ASH1L: variants seen among roughly 807,000 people sequenced by gnomAD.
ASH1L encodes the protein histone-lysine N-methyltransferase ASH1L.
ASH1L carries 23 observed loss-of-function variants against 269.0 expected under a neutral mutation model. That is an observed-to-expected ratio of 0.09 (90% CI 0.06 to 0.12). The LOEUF is 0.12. Ranked by LOEUF, ASH1L falls within the 10% of genes least tolerant of loss-of-function variation. The pLI, the probability that ASH1L is intolerant of heterozygous loss-of-function variation, is 1.00. For synonymous variants in ASH1L, 1,187 were observed against 1,253.5 expected, an observed-to-expected ratio of 0.95 and a Z score of 1.12; for missense variants, 2,912 against 3,567.8, an observed-to-expected ratio of 0.82 and a Z score of 4.68.
In ASH1L at chr1:155,514,933, AAAAAGTGG is replaced by A. The variant is rs1460775611; in HGVS notation, c.420+6159_420+6166del. 3.9e-5 allele frequency among the ~76,000 whole-genome samples: 6 copies of A among 152,298 alleles called. No homozygotes were observed. The East Asian group carries it at 1.2e-3, about 29-fold the overall frequency. On this transcript the variant is annotated intron_variant, in intron 2 of 27. Transcript: ENST00000392403. Reference sequence around the variant, plus strand: ...AATTTCTCAGACTGTGATGTGTGACAAAAAGTGGATTTTATATCACAACCGGCAACAAC... The same window carrying A: ...AATTTCTCAGACTGTGATGTGTGACAATTTTATATCACAACCGGCAACAAC...
At chr1:155,383,094 A>G (rs1287212248) in intron 7 of ASH1L, among the ~76,000 whole-genome samples, 1 of 152,244 alleles carries the variant, frequency 6.6e-6, no homozygotes, top group Admixed American at 6.5e-5. Flanking sequence ...TAAAATAAGG[A>G]CATAAAGAAA....
At chr1:155,523,918 A>T (rs371557060) in intron 1 of ASH1L, among the ~76,000 whole-genome samples, 74 of 152,260 alleles carry the variant, frequency 4.9e-4, no homozygotes, top group African/African-American at 1.8e-3. Flanking sequence ...GTTTATAAGT[A>T]CTCAACAAAT....
Position 155,338,369 on chromosome 1 carries a change from G to C in ASH1L, c.8523C>G (p.Arg2841=). ...NGGRSSWKSE[R]SKPPLKDLGQ... ...CCAAGTCTTTTAGGGGTGGCTTTGA[G>C]CGCTCAGACTTCCAGGATGATCTGC... is the stretch of plus-strand genomic sequence containing the variant. Residue 2841 remains arginine, a synonymous_variant, in exon 27 of 28, where the codon CGC becomes CGG. Transcript: ENST00000392403. 6.2e-7 allele frequency: 1 copy of C among 1,613,362 alleles called. No homozygotes were observed. The highest frequency in any genetic ancestry group is 8.5e-7 in the Non-Finnish European group (1 of 1,179,538).
chr1:155,527,962 T>G (rs529168381), intron 1 of ASH1L, among the ~76,000 whole-genome samples: 36 of 152,072 alleles, frequency 2.4e-4, no homozygotes, highest in Non-Finnish European at 3.8e-4. Flanking sequence ...TACCCGGACC[T>G]CTTCCTTTTT....
At chr1:155,432,224 G>C (rs771778773) in intron 5 of ASH1L, among the ~76,000 whole-genome samples, 12 of 152,038 alleles carry the variant, frequency 7.9e-5, no homozygotes, top group Non-Finnish European at 1.6e-4. Context: ...TCAGACTTTT[G>C]TGTATGCTCT....
At chr1:155,347,357 A>C (rs1653445686) in intron 20 of ASH1L, among the ~76,000 whole-genome samples, 1 of 152,190 alleles carries the variant, frequency 6.6e-6, no homozygotes, top group African/African-American at 2.4e-5. Context: ...CAGAGAGCTG[A>C]GATCGTGCCA....
rs1405347094 is a variant in ASH1L, at chr1:155,360,320, G to C, written c.6776C>G (p.Ser2259Cys). 2 of 1,611,408 alleles carry C rather than the reference G, an allele frequency of 1.2e-6. No individual in the cohort carries two copies. The highest frequency in any genetic ancestry group is 1.7e-6 in the Non-Finnish European group (2 of 1,177,702). ...TELTYDYNFH[S>C]FNVEKQQLCK... is the part of the protein sequence containing the mutation. ...TCTTACCTGTTTTTCCACATTGAAG[G>C]AATGAAAGTTATAATCATAAGTGAG... The change falls in exon 13 of 28, where the codon TCC becomes TGC. Residue 2259 changes from serine (S) to cysteine (C), a missense_variant. Physicochemically the swap from Ser to Cys is moderately radical, Grantham distance 112. Around this residue, in one of 13 missense-constraint regions of ASH1L, gnomAD observed 309 missense variants for 435.1 expected, o/e 0.71. Transcript: ENST00000392403.
At position 155,463,841 on chromosome 1, in the gene ASH1L, A is replaced by G. The variant is rs188099067; in HGVS notation, c.4985-3943T>C. Among the ~76,000 whole-genome samples the G allele has an allele frequency of 1.7e-4, 26 of 152,268 alleles. 1 individual carries two copies. Among genetic ancestry groups the G allele is most frequent in the African/African-American group, 5.8e-4 (24 of 41,554 alleles). On this transcript the variant is annotated intron_variant, in intron 3 of 27. Coordinates refer to ENST00000392403, the MANE Select transcript of ASH1L (RefSeq NM_018489.3). Reference sequence around the variant, plus strand: ...GAAAGAAGAGCAGTGAGTTATACCCAGTAGGGAGCTAGAACTAACCTATTA... The same window carrying G: ...GAAAGAAGAGCAGTGAGTTATACCCGGTAGGGAGCTAGAACTAACCTATTA...
chr1:155,560,131 G>C (rs775429220), intron 1 of ASH1L, among the ~76,000 whole-genome samples: 3 of 151,962 alleles, frequency 2.0e-5, no homozygotes, highest in Non-Finnish European at 4.4e-5. Context: ...CCACACACCC[G>C]AACAATGAAA....
rs545408345 is a variant in ASH1L at position 155,521,441 on chromosome 1, T to G, written c.79A>C (p.Ser27Arg). 2 of 1,614,092 alleles carry G rather than the reference T, an allele frequency of 1.2e-6. No individual in the cohort carries two copies. The highest frequency in any genetic ancestry group is 1.7e-6 in the Non-Finnish European group (2 of 1,179,992). Residue 27 changes from serine (S) to arginine (R), a missense_variant, in exon 2 of 28, where the codon AGT becomes CGT. Ser to Arg is a moderately radical substitution (Grantham distance 110, BLOSUM62 -1). Coordinates refer to ENST00000392403, the MANE Select transcript of ASH1L (RefSeq NM_018489.3). Reference protein sequence around the residue: ...GFSRKSPSAISTGTLVSKREV... With the variant: ...GFSRKSPSAIRTGTLVSKREV... ...CTCTTACTGACCAATGTGCCAGTAC[T>G]GATGGCAGAAGGACTCTTTCTTGAA... is the stretch of plus-strand genomic sequence containing the variant.
chr1:155,337,889 C>A, intron 27 of ASH1L, 138 bp from the exon 28 acceptor site: 1 of 1,028,322 alleles, frequency 9.7e-7, no homozygotes, highest in Non-Finnish European at 1.4e-6. Context: ...TCCAACCCTA[C>A]GTGAAAAAGG....
At chr1:155,472,163 C>T (rs1665153390) in intron 3 of ASH1L, among the ~76,000 whole-genome samples, 1 of 152,076 alleles carries the variant, frequency 6.6e-6, no homozygotes, top group African/African-American at 2.4e-5. Flanking sequence ...TGGTGGTGCA[C>T]TTCTGCAATC....
intron 2 of ASH1L, among the ~76,000 whole-genome samples, chr1:155,495,003 A>G (rs1490195354): frequency 6.6e-6 from 1 of 152,174 alleles, no homozygotes; most frequent in African/African-American, 2.4e-5. Context: ...TATTTCCAGG[A>G]GCGACAAATG....
rs754155463 is a variant in ASH1L, at chr1:155,523,935, C to T, written c.-99-2317G>A. Among the ~76,000 whole-genome samples, 10 of 152,046 alleles carry T rather than the reference C, an allele frequency of 6.6e-5. 1 individual carries two copies. Among genetic ancestry groups the T allele is most frequent in the Non-Finnish European group, 7.4e-5 (5 of 68,004 alleles). The stretch of plus-strand genomic sequence containing the variant: ...TTATAAGTACTCAACAAATTTTGGC[C>T]GATTGGGTAACTCCTTAGCTTGTTA... On this transcript the variant is annotated intron_variant, in intron 1 of 27. Transcript: ENST00000392403.
intron 2 of ASH1L, among the ~76,000 whole-genome samples, chr1:155,495,930 G>A (rs1405834030): frequency 2.0e-5 from 3 of 152,050 alleles, no homozygotes; most frequent in Non-Finnish European, 4.4e-5. Context: ...CCCAGGAGGC[G>A]GAGGCTGCAG....
chr1:155,436,773 G>A (rs1354866046), intron 5 of ASH1L, among the ~76,000 whole-genome samples: 1 of 152,118 alleles, frequency 6.6e-6, no homozygotes, highest in Non-Finnish European at 1.5e-5. Context: ...AGAATTACAG[G>A]CGTGAGCCAC....
intron 4 of ASH1L, among the ~76,000 whole-genome samples, chr1:155,440,971 A>G (rs1662512004): frequency 1.3e-5 from 2 of 152,174 alleles, no homozygotes; most frequent in African/African-American, 4.8e-5. Flanking sequence ...CTCAGGCCAC[A>G]TCATTTATTC....
At chr1:155,523,888 G>C (rs1027652911) in intron 1 of ASH1L, among the ~76,000 whole-genome samples, 7 of 152,132 alleles carry the variant, frequency 4.6e-5, no homozygotes, top group Non-Finnish European at 8.8e-5. Flanking sequence ...TAATTTAGTA[G>C]TAGTAGGAGC....
At chr1:155,521,718 C>CA (rs1012565735) in intron 1 of ASH1L, 100 bp from the exon 2 acceptor site, 394 of 441,566 alleles carry the variant, frequency 8.9e-4, no homozygotes, top group South Asian at 5.4e-3. Context: ...AACAACTACC[C>CA]AAAAAAAAAT....
Sources: gnomAD v4.1 joint callset for allele counts (sites outside exome capture counted in the v4.1 genomes callset) on GRCh38, gnomAD v4.1.1 for gene constraint, gnomAD v4.1.1 regional missense constraint, MANE v1.5 for transcripts, NCBI Gene and HGNC (gene_info 2026-07-23, HGNC 2026-07-21) for gene names.